The following CASD1 variants were observed in gnomAD, a reference collection of about 807,000 sequenced individuals.
CASD1 encodes CAS1 domain sialic acid O acetyltransferase 1, also known as N-acetylneuraminate (7)9-O-acetyltransferase.
Under a neutral mutation model 100.0 loss-of-function variants are expected in CASD1, and 41 were observed. That is an observed-to-expected ratio of 0.41 (90% CI 0.32 to 0.53). CASD1 has a LOEUF of 0.53. CASD1 is among the 20% of genes least tolerant of loss of function. The pLI, the probability that CASD1 is intolerant of heterozygous loss-of-function variation, is 0.25. For missense variants in CASD1, 774 were observed against 948.7 expected, an observed-to-expected ratio of 0.82 and a Z score of 2.42; for synonymous variants, 321 against 315.6, an observed-to-expected ratio of 1.02 and a Z score of -0.18.
At chr7:94,510,297 AAC>A in intron 1 of CASD1, 80 bp downstream of exon 1, 1 of 1,093,210 alleles carries the variant, frequency 9.1e-7, no homozygotes, top group Non-Finnish European at 1.2e-6. Context: ...CCCATCGCCC[AAC>A]ACACGCCCAC....
chr7:94,563,289 T>A, the CASD1 span, among the ~76,000 whole-genome samples: 1 of 152,238 alleles, frequency 6.6e-6, no homozygotes, highest in Non-Finnish European at 1.5e-5. Context: ...TAAAGAGGCG[T>A]CTTCCATGCA....
chr7:94,607,800 A>G, the CASD1 span, among the ~76,000 whole-genome samples: 1 of 152,212 alleles, frequency 6.6e-6, no homozygotes, highest in Non-Finnish European at 1.5e-5. Context: ...GACAAAAAGA[A>G]AATAAAAAGT....
chr7:94,532,683 AT>A (rs1408026857), intron 5 of CASD1, among the ~76,000 whole-genome samples: 11 of 152,144 alleles, frequency 7.2e-5, no homozygotes, highest in Non-Finnish European at 1.5e-4. Context: ...TTTGGTGAGG[AT>A]TTTTAGGGAT....
At chr7:94,625,250 C>A in the CASD1 span, 6 of 151,718 alleles carry the variant, frequency 4.0e-5, no homozygotes, top group East Asian at 7.7e-4. Context: ...TACAAAAATT[C>A]TTGACTAAAT....
At chr7:94,542,764 A>G (rs751513115) in intron 10 of CASD1, among the ~76,000 whole-genome samples, 4 of 152,212 alleles carry the variant, frequency 2.6e-5, no homozygotes, top group Non-Finnish European at 4.4e-5. Flanking sequence ...TTTAGAGTAC[A>G]TTCAGGAATG....
the CASD1 span, among the ~76,000 whole-genome samples, chr7:94,593,440 G>A: frequency 1.3e-5 from 2 of 151,938 alleles, no homozygotes; most frequent in African/African-American, 4.8e-5. Context: ...TAAGAAAAGA[G>A]TAGTGAAGAG....
the CASD1 span, among the ~76,000 whole-genome samples, chr7:94,562,417 CA>C: frequency 3.9e-5 from 6 of 152,098 alleles, no homozygotes; most frequent in Non-Finnish European, 8.8e-5. Flanking sequence ...ATAGTATATA[CA>C]AATGGTAGTA....
At chr7:94,568,726 G>C in the CASD1 span, among the ~76,000 whole-genome samples, 2 of 152,308 alleles carry the variant, frequency 1.3e-5, no homozygotes, top group African/African-American at 4.8e-5. Flanking sequence ...TTTGGGAGAT[G>C]ATTAGGTCCT....
At chr7:94,572,595 T>C in the CASD1 span, among the ~76,000 whole-genome samples, 2 of 152,196 alleles carry the variant, frequency 1.3e-5, 1 homozygote, top group South Asian at 4.1e-4. Context: ...CTCTTGTAAA[T>C]TTGTTTAAGT....
chr7:94,601,443 CAAAAAAAAAAAAAAAAAAAA>C, the CASD1 span, among the ~76,000 whole-genome samples: 53 of 89,310 alleles, frequency 5.9e-4, no homozygotes, highest in Admixed American at 1.2e-3. Context: ...ATCCCAGTAT[CAAAAAAAAAAAAAAAAAAAA>C]AAAAAAAAAA....
chr7:94,618,518 T>C, the CASD1 span: 1 of 481,294 alleles, frequency 2.1e-6, no homozygotes, highest in Non-Finnish European at 3.7e-6. Context: ...AGTGCTATAA[T>C]TTATGATGCT....
intron 13 of CASD1, 58 bp downstream of exon 13, chr7:94,547,233 A>G (rs1174949249): frequency 7.0e-6 from 9 of 1,284,476 alleles, no homozygotes; most frequent in Admixed American, 2.3e-5. Flanking sequence ...GTTCAAGTCT[A>G]TTAAAGCATG....
chr7:94,533,277 A>G (rs747683332), intron 6 of CASD1, 28 bp downstream of exon 6: 3 of 1,578,750 alleles, frequency 1.9e-6, no homozygotes, highest in Admixed American at 1.7e-5. Context: ...TTCTTACTTA[A>G]TGATTTTGTT....
At chr7:94,571,767 C>T in the CASD1 span, among the ~76,000 whole-genome samples, 1 of 151,968 alleles carries the variant, frequency 6.6e-6, no homozygotes, top group Admixed American at 6.6e-5. Context: ...AAAATTCCAG[C>T]TTCTCTGTGT....
At chr7:94,539,192 G>A (rs1011309336) in intron 10 of CASD1, 136 bp downstream of exon 10, 7 of 429,236 alleles carry the variant, frequency 1.6e-5, no homozygotes, top group Admixed American at 4.3e-5. Context: ...TAATCTTTCC[G>A]CCTTTCCATT....
chr7:94,553,686 T>C (rs1312503440), intron 16 of CASD1, among the ~76,000 whole-genome samples: 1 of 152,088 alleles, frequency 6.6e-6, no homozygotes, highest in Non-Finnish European at 1.5e-5. Context: ...GCAAGGATTC[T>C]TTGCTTGGTA....
chr7:94,615,370 ATAGATAG>A, the CASD1 span, among the ~76,000 whole-genome samples: 1 of 1,768 alleles, frequency 5.7e-4, no homozygotes, highest in East Asian at 0.029. Flanking sequence ...AAATAAATAG[ATAGATAG>A]ATAGATAGAT....
At chr7:94,586,061 G>GAAAAAAAAAAAAAAAAAAAAAAAAAAAAA in the CASD1 span, among the ~76,000 whole-genome samples, 10 of 28,908 alleles carry the variant, frequency 3.5e-4, no homozygotes, top group East Asian at 1.3e-3. Flanking sequence ...GGAACTAAAT[G>GAAAAAAAAAAAAAAAAAAAAAAAAAAAAA]AAAAAAAAAA....
the CASD1 span, chr7:94,603,422 C>T: frequency 8.7e-6 from 14 of 1,613,054 alleles, no homozygotes; most frequent in Middle Eastern, 1.6e-4. Flanking sequence ...AAGAAGAAAA[C>T]GGGACATCTG....
Sources: gnomAD v4.1 joint callset for allele counts (sites outside exome capture counted in the v4.1 genomes callset) on GRCh38, gnomAD v4.1.1 for gene constraint, MANE v1.5 for transcripts, NCBI Gene and HGNC (gene_info 2026-07-23, HGNC 2026-07-21) for gene names.